Variants in GIT2 observed in about 807,000 individuals in gnomAD.
The protein encoded by GIT2 is ARF GTPase-activating protein GIT2.
A neutral mutation model predicts 100.3 loss-of-function variants in GIT2; 32 were observed. That is an observed-to-expected ratio of 0.32 (90% CI 0.24 to 0.43). GIT2 has a LOEUF of 0.43. Ranked by LOEUF, GIT2 falls within the 20% of genes least tolerant of loss-of-function variation. The probability of loss-of-function intolerance (pLI) is 1.00; values close to 1 mark genes in which losing one functional copy is unlikely to be tolerated. For missense variants in GIT2, 737 were observed against 975.1 expected (o/e 0.76, Z 3.25); for synonymous variants, 353 against 364.1 (o/e 0.97, Z 0.35).
chr12:109,951,471 A>T (rs1877834753), intron 13 of GIT2, among the ~76,000 whole-genome samples, 155 bp from the exon 14 acceptor site: 3 of 152,212 alleles, frequency 2.0e-5, no homozygotes, highest in African/African-American at 7.2e-5. Context: ...CTAAAACATA[A>T]AAGTAGGGTC....
At chr12:109,956,178 C>G (rs1488865518) in intron 12 of GIT2, among the ~76,000 whole-genome samples, 1 of 152,146 alleles carries the variant, frequency 6.6e-6, no homozygotes, top group Non-Finnish European at 1.5e-5. Flanking sequence ...GATCAGCCCA[C>G]CTCAGCCTCC....
intron 2 of GIT2, 136 bp downstream of exon 2, chr12:109,991,491 A>T: frequency 1.5e-6 from 1 of 674,516 alleles, no homozygotes; most frequent in Non-Finnish European, 2.6e-6. Flanking sequence ...AATAGCATTG[A>T]TGGGCATGCC....
chr12:109,932,736 T>C lies in GIT2; in HGVS notation c.*242A>G, dbSNP rs767543684. The C allele has an allele frequency of 6.0e-5, 28 of 469,842 alleles. No individual in the cohort carries two copies. Among genetic ancestry groups the C allele is most frequent in the Non-Finnish European group, 8.5e-5 (22 of 259,184 alleles). 29.1% of individuals were successfully genotyped at this position (469,842 alleles called of 1,614,324 possible). ...TGGATGTATGTGATCAACTCAACAG[T>C]TGTTGACAACACAACCGAACATCAG... On this transcript the variant is annotated 3_prime_UTR_variant, in exon 20 of 20. Coordinates refer to ENST00000355312, the MANE Select transcript of GIT2 (RefSeq NM_057169.5).
intron 13 of GIT2, among the ~76,000 whole-genome samples, chr12:109,951,744 C>T (rs1175738262): frequency 6.6e-6 from 1 of 152,008 alleles, no homozygotes; most frequent in African/African-American, 2.4e-5. Flanking sequence ...GTTTATATTC[C>T]AACAGCATGA....
rs1191184475 is a variant in GIT2 at position 109,948,899 on chromosome 12, T to C, written c.1393-1395A>G. On this transcript the variant is annotated intron_variant, in intron 14 of 19. Coordinates refer to ENST00000355312, the MANE Select transcript of GIT2 (RefSeq NM_057169.5). The surrounding 1 kb of genome is among the most constrained non-coding windows in gnomAD (Gnocchi z 4.3). ...ATCATGCTACTTTGTCAACTTTATG[T>C]ATATTAAAAACTTTACCCAACTTTG... The C allele has an allele frequency of 3.1e-6, 4 of 1,304,816 alleles. No homozygotes were observed. In the African/African-American group the frequency reaches 4.4e-5, roughly 14 times the overall value. 80.8% of individuals were successfully genotyped at this position (1,304,816 alleles called of 1,614,324 possible).
At chr12:109,986,487 G>A (rs1003077127) in intron 4 of GIT2, among the ~76,000 whole-genome samples, 3 of 152,242 alleles carry the variant, frequency 2.0e-5, no homozygotes, top group South Asian at 2.1e-4. Flanking sequence ...AAAAATGGCC[G>A]GGCGTGGTGG....
chr12:109,939,716 A>AATAAAT (rs1186807494), intron 16 of GIT2: 5 of 150,878 alleles, frequency 3.3e-5, no homozygotes, highest in African/African-American at 9.7e-5. Flanking sequence ...TAAATAAATA[A>AATAAAT]ATAAATAAAT....
At chr12:109,976,105 TACACAC>T (rs145928011) in intron 7 of GIT2, among the ~76,000 whole-genome samples, 1 of 149,018 alleles carries the variant, frequency 6.7e-6, no homozygotes, top group African/African-American at 2.5e-5. Context: ...GAAATTACTA[TACACAC>T]ACACACACAC....
In GIT2 at chr12:109,962,634, C is replaced by CT; in HGVS notation, c.817-950dup. On this transcript the variant is annotated intron_variant, in intron 9 of 19. Coordinates refer to ENST00000355312, the MANE Select transcript of GIT2 (RefSeq NM_057169.5). The surrounding 1 kb of genome is among the most constrained non-coding windows in gnomAD (Gnocchi z 4.3). ...TAAGCCTCTTCTGGGGTGGCTCCGC[C>CT]TCTCTCTGCACTTTCTGCCTCATGC... Among the ~76,000 whole-genome samples, 1 of 151,472 alleles carries CT rather than the reference C, an allele frequency of 6.6e-6. No homozygotes were observed. The highest frequency in any genetic ancestry group is 2.1e-4 in the South Asian group (1 of 4,788).
In GIT2 at chr12:109,961,628, G is replaced by A. The variant is rs1227142369; in HGVS notation, c.874C>T (p.Arg292Ter). 3.7e-6 allele frequency: 6 copies of A among 1,602,826 alleles called. No individual in the cohort carries two copies. The highest frequency in any genetic ancestry group is 1.3e-5 in the African/African-American group (1 of 74,658). ...AMDVYDEVDR[R>*]ETDAVWLATQ... is the part of the protein sequence containing the mutation. ...GTCAAGTCACCTGCATCCGTCTCTC[G>A]CCTGTCAACTTCATCGTACACATCC... is the stretch of plus-strand genomic sequence containing the variant. The change falls in exon 10 of 20, where the codon CGA becomes TGA. Residue 292 changes from arginine to a stop codon, truncating the protein, a stop_gained. Coordinates refer to ENST00000355312, the MANE Select transcript of GIT2 (RefSeq NM_057169.5). LOFTEE classifies it high-confidence loss of function.
intron 7 of GIT2, among the ~76,000 whole-genome samples, chr12:109,979,923 A>G (rs1271844057): frequency 2.6e-5 from 4 of 152,214 alleles, no homozygotes; most frequent in African/African-American, 9.6e-5. Context: ...ATTTTCTTTA[A>G]AGGGCCAAAT....
chr12:109,988,371 C>T (rs1330821161), intron 4 of GIT2, among the ~76,000 whole-genome samples: 5 of 151,630 alleles, frequency 3.3e-5, no homozygotes, highest in Admixed American at 2.6e-4. Flanking sequence ...AGCAAGAACC[C>T]GTCTCTACAA....
At chr12:109,984,520 C>A (rs1054336723) in intron 4 of GIT2, among the ~76,000 whole-genome samples, 2 of 152,114 alleles carry the variant, frequency 1.3e-5, no homozygotes, top group Non-Finnish European at 2.9e-5. Flanking sequence ...GATCATGGCT[C>A]ACTGCAGCCT....
chr12:110,000,049 G>A (rs1390163672), upstream of GIT2, among the ~76,000 whole-genome samples: 1 of 152,210 alleles, frequency 6.6e-6, no homozygotes, highest in Non-Finnish European at 1.5e-5. Flanking sequence ...AAGGAAACAG[G>A]TCCTCAGACG....
chr12:109,975,207 TTTTGTTTA>T (rs1884775307), intron 7 of GIT2, among the ~76,000 whole-genome samples: 1 of 152,144 alleles, frequency 6.6e-6, no homozygotes, highest in South Asian at 2.1e-4. Flanking sequence ...CCTTATGGTT[TTTTGTTTA>T]TTTCTTGAGG....
chr12:109,944,336 C>T (rs1259840978), intron 16 of GIT2, among the ~76,000 whole-genome samples: 1 of 152,206 alleles, frequency 6.6e-6, no homozygotes, highest in Non-Finnish European at 1.5e-5. Context: ...TGGTCCCTTA[C>T]CCACAGCCAC....
At chr12:109,980,655 A>G (rs1025674809) in intron 7 of GIT2, among the ~76,000 whole-genome samples, 1 of 152,270 alleles carries the variant, frequency 6.6e-6, no homozygotes, top group South Asian at 2.1e-4. Context: ...TCCTAGTCCC[A>G]CCATGTTCAA....
chr12:109,951,134 C>T (rs753160875), intron 14 of GIT2, 33 bp downstream of exon 14: 10 of 1,588,002 alleles, frequency 6.3e-6, no homozygotes, highest in Admixed American at 3.3e-5. Context: ...GGGATTAAAG[C>T]GTCAACCGTC....
At position 109,991,813 on chromosome 12, in the gene GIT2, G is replaced by A. The variant is rs75462869; in HGVS notation, c.53-53C>T. On this transcript the variant is annotated intron_variant, in intron 1 of 19. Transcript: ENST00000355312. ...AGGGATACCAGCAGGTTGCTATACC[G>A]CCAGATGGCAAAAGATGACTGAAGT... 1,389 of 1,521,420 alleles carry A rather than the reference G, an allele frequency of 9.1e-4. 14 individuals carry two copies. In the African/African-American group the frequency reaches 0.017, roughly 18 times the overall value. The allele number at this position is 1,521,420 out of a possible 1,614,324, so 94.2% of individuals were successfully genotyped here.
Sources: allele counts gnomAD v4.1 joint callset (sites outside exome capture counted in the v4.1 genomes callset), GRCh38; gene constraint gnomAD v4.1.1; non-coding constraint Gnocchi (gnomAD v3.1); transcripts MANE v1.5; gene names NCBI Gene and HGNC (gene_info 2026-07-23, HGNC 2026-07-21).